The following SLC24A3 variants were observed in gnomAD, a reference collection of about 807,000 sequenced individuals.
SLC24A3 encodes sodium/potassium/calcium exchanger 3.
SLC24A3 carries 28 observed loss-of-function variants against 75.8 expected under a neutral mutation model. That is an observed-to-expected ratio of 0.37 (90% CI 0.27 to 0.51). The LOEUF (loss-of-function observed/expected upper bound fraction) is 0.51. Ranked by LOEUF, SLC24A3 falls within the 20% of genes least tolerant of loss-of-function variation. The probability of loss-of-function intolerance (pLI) is 0.94; values close to 1 mark genes in which losing one functional copy is unlikely to be tolerated. For missense variants in SLC24A3, 663 were observed against 847.8 expected, an observed-to-expected ratio of 0.78 and a Z score of 2.71; for synonymous variants, 372 against 334.1, an observed-to-expected ratio of 1.11 and a Z score of -1.24.
At chr20:19,625,089 A>G (rs74967617) in intron 6 of SLC24A3, among the ~76,000 whole-genome samples, 7,346 of 152,182 alleles carry the variant, frequency 0.048, 604 homozygotes, top group African/African-American at 0.17. Flanking sequence ...TTCTTGTCAT[A>G]AGAGTGGATG....
At chr20:19,627,503 C>A (rs1174670520) in intron 6 of SLC24A3, among the ~76,000 whole-genome samples, 1 of 152,002 alleles carries the variant, frequency 6.6e-6, no homozygotes, top group Non-Finnish European at 1.5e-5. Flanking sequence ...CACAAAGGAA[C>A]CTTGATTCTT....
intron 8 of SLC24A3, among the ~76,000 whole-genome samples, chr20:19,668,416 A>C (rs2032426307): frequency 6.6e-6 from 1 of 152,288 alleles, no homozygotes; most frequent in East Asian, 1.9e-4. Context: ...AGTCTGTGCA[A>C]TTAAAGCACA....
intron 3 of SLC24A3, among the ~76,000 whole-genome samples, chr20:19,516,393 T>C (rs1460522476): frequency 6.6e-6 from 1 of 152,198 alleles, no homozygotes; most frequent in Non-Finnish European, 1.5e-5. Flanking sequence ...TTAATTCCAT[T>C]CTAGTTATTT....
intron 2 of SLC24A3, among the ~76,000 whole-genome samples, chr20:19,387,344 G>A (rs1165860827): frequency 6.6e-6 from 1 of 151,172 alleles, no homozygotes; most frequent in Non-Finnish European, 1.5e-5. Context: ...TTTCTGCTCT[G>A]ATTTTACTTT....
intron 2 of SLC24A3, among the ~76,000 whole-genome samples, chr20:19,320,114 G>A (rs780812115): frequency 5.0e-4 from 76 of 152,318 alleles, no homozygotes; most frequent in Admixed American, 9.8e-4. Flanking sequence ...GGAGCCCAGT[G>A]TGTTTAAATA....
At chr20:19,712,180 G>T (rs951535867) in intron 15 of SLC24A3, among the ~76,000 whole-genome samples, 3 of 151,898 alleles carry the variant, frequency 2.0e-5, no homozygotes, top group Non-Finnish European at 4.4e-5. Context: ...TTAACTCCTA[G>T]ATTCAGGCAA....
At chr20:19,227,994 T>C (rs1981916297) in intron 1 of SLC24A3, among the ~76,000 whole-genome samples, 1 of 152,194 alleles carries the variant, frequency 6.6e-6, no homozygotes, top group South Asian at 2.1e-4. Context: ...GATAAAGGCT[T>C]TTAAAAAATT....
At chr20:19,436,675 A>C (rs1327687636) in intron 2 of SLC24A3, among the ~76,000 whole-genome samples, 1 of 152,174 alleles carries the variant, frequency 6.6e-6, no homozygotes, top group Non-Finnish European at 1.5e-5. Flanking sequence ...GTCCAGGGTC[A>C]CCACTACACC....
intron 12 of SLC24A3, among the ~76,000 whole-genome samples, chr20:19,688,341 T>TCAGAGCCC (rs2032704370): frequency 6.6e-6 from 1 of 152,180 alleles, no homozygotes; most frequent in Non-Finnish European, 1.5e-5. Flanking sequence ...AAAGCCTGAT[T>TCAGAGCCC]CAGAGCCCGG....
chr20:19,404,188 C>A (rs937052649), intron 2 of SLC24A3, among the ~76,000 whole-genome samples: 2 of 152,300 alleles, frequency 1.3e-5, no homozygotes, highest in Admixed American at 1.3e-4. Context: ...TTTTTGAGTG[C>A]CTACTATGTG....
intron 2 of SLC24A3, among the ~76,000 whole-genome samples, chr20:19,292,132 G>T (rs1983956642): frequency 6.6e-6 from 1 of 152,196 alleles, no homozygotes; most frequent in Non-Finnish European, 1.5e-5. Flanking sequence ...CAAAGCCTTG[G>T]TTCCCTTCCC....
chr20:19,640,926 T>C (rs931066339), intron 6 of SLC24A3, among the ~76,000 whole-genome samples: 1 of 152,228 alleles, frequency 6.6e-6, no homozygotes, highest in Non-Finnish European at 1.5e-5. Context: ...TGCAACCAAA[T>C]GCACCCTTAG....
chr20:19,657,684 A>G (rs1194589295), intron 7 of SLC24A3, among the ~76,000 whole-genome samples: 1 of 152,168 alleles, frequency 6.6e-6, no homozygotes, highest in African/African-American at 2.4e-5. Flanking sequence ...GAGGAGTAAA[A>G]CAGAGTTTCA....
At chr20:19,272,421 C>T (rs1983356986) in intron 1 of SLC24A3, among the ~76,000 whole-genome samples, 1 of 152,240 alleles carries the variant, frequency 6.6e-6, no homozygotes, top group African/African-American at 2.4e-5. Context: ...TAAGCACAGG[C>T]TGTCAGGCTT....
At chr20:19,410,417 A>C (rs187097519) in intron 2 of SLC24A3, among the ~76,000 whole-genome samples, 1 of 152,318 alleles carries the variant, frequency 6.6e-6, no homozygotes, top group East Asian at 1.9e-4. Context: ...GAGGAGAAAC[A>C]GAAGGTGCTG....
rs6081610 is a variant in SLC24A3, at chr20:19,475,304, A to G, written c.272-40184A>G. Among the ~76,000 whole-genome samples, 4 of 151,058 alleles carry G rather than the reference A, an allele frequency of 2.6e-5. No individual in the cohort carries two copies. The East Asian group carries it at 7.9e-4, about 30-fold the overall frequency. On this transcript the variant is annotated intron_variant, in intron 2 of 16. Coordinates refer to ENST00000328041, the MANE Select transcript of SLC24A3 (RefSeq NM_020689.4). ...CAGTGAGCTGAGATCGCGCCACTAC[A>G]CTCCAGCCTGGGCAACAGAGTGAGA...
At chr20:19,242,374 A>G (rs1982355267) in intron 1 of SLC24A3, 1 of 152,158 alleles carries the variant, frequency 6.6e-6, no homozygotes, top group Non-Finnish European at 1.5e-5. Context: ...TTTTGCTCGT[A>G]TTGCATTTGA....
At chr20:19,615,984 C>G (rs2031730630) in intron 6 of SLC24A3, among the ~76,000 whole-genome samples, 1 of 152,156 alleles carries the variant, frequency 6.6e-6, no homozygotes, top group South Asian at 2.1e-4. Flanking sequence ...ATTATCTGAG[C>G]CAATTCTCCC....
chr20:19,303,545 T>G (rs1005748134), intron 2 of SLC24A3, among the ~76,000 whole-genome samples: 3 of 152,200 alleles, frequency 2.0e-5, no homozygotes, highest in African/African-American at 7.2e-5. Flanking sequence ...GATCGCTGGA[T>G]CAAATGGTAT....
Sources: allele counts gnomAD v4.1 joint callset (sites outside exome capture counted in the v4.1 genomes callset), GRCh38; gene constraint gnomAD v4.1.1; transcripts MANE v1.5; gene names NCBI Gene and HGNC (gene_info 2026-07-23, HGNC 2026-07-21).